The following BLOC1S2 variants were observed in gnomAD, a reference collection of about 807,000 sequenced individuals.
BLOC1S2 encodes the protein biogenesis of lysosome-related organelles complex 1 subunit 2.
In BLOC1S2, 12 loss-of-function variants were observed where a neutral mutation model predicts 19.6. The observed-to-expected ratio is 0.61, with a 90% confidence interval of 0.39 to 0.99. The LOEUF (loss-of-function observed/expected upper bound fraction) is 0.99. Among genes scored for constraint, BLOC1S2 ranks in the 50% least tolerant of loss-of-function variants. The probability of loss-of-function intolerance (pLI) is 0.00; values close to 1 mark genes in which losing one functional copy is unlikely to be tolerated. For synonymous variants in BLOC1S2, 66 were observed against 64.1 expected, an observed-to-expected ratio of 1.03 and a Z score of -0.14; for missense variants, 142 against 171.0, an observed-to-expected ratio of 0.83 and a Z score of 0.95.
At chr10:100,282,260 A>C (rs1589651706) in intron 2 of BLOC1S2, among the ~76,000 whole-genome samples, 1 of 152,320 alleles carries the variant, frequency 6.6e-6, no homozygotes, top group East Asian at 1.9e-4. Context: ...AAAGCAAAGG[A>C]GCTTCACTGC....
intron 4 of BLOC1S2, among the ~76,000 whole-genome samples, chr10:100,277,463 G>A (rs1368196700): frequency 2.9e-5 from 4 of 137,552 alleles, no homozygotes; most frequent in East Asian, 2.3e-4. Context: ...AGGTGGGGGG[G>A]TCAGCCCCCC....
chr10:100,276,105 C>A (rs895289557), intron 4 of BLOC1S2, among the ~76,000 whole-genome samples: 2 of 152,158 alleles, frequency 1.3e-5, no homozygotes, highest in African/African-American at 4.8e-5. Flanking sequence ...CCCCTGCCTT[C>A]TACGCGGTAA....
intron 4 of BLOC1S2, among the ~76,000 whole-genome samples, chr10:100,279,841 A>C (rs1388613593): frequency 6.6e-6 from 1 of 152,206 alleles, no homozygotes; most frequent in African/African-American, 2.4e-5. Context: ...AGATCGCACC[A>C]TTGCACTCCA....
intron 4 of BLOC1S2, among the ~76,000 whole-genome samples, chr10:100,277,706 G>T (rs1457949982): frequency 1.4e-5 from 2 of 139,706 alleles, no homozygotes; most frequent in African/African-American, 5.3e-5. Context: ...GGAGGGAGGT[G>T]GGGGGCTCAG....
At position 100,275,308 on chromosome 10, in the gene BLOC1S2, C is replaced by G. The variant is rs1847823265; in HGVS notation, c.*154G>C. 1 of 701,334 alleles carries G rather than the reference C, an allele frequency of 1.4e-6. No homozygotes were observed. The highest frequency in any genetic ancestry group is 1.8e-5 in the African/African-American group (1 of 56,510). 43.4% of individuals were successfully genotyped at this position (701,334 alleles called of 1,614,324 possible). A position where few individuals can be genotyped will look rare whatever the true frequency, so the allele number is the denominator to read the frequency against. On this transcript the variant is annotated 3_prime_UTR_variant, in exon 5 of 5. Coordinates refer to ENST00000370372, the MANE Select transcript of BLOC1S2 (RefSeq NM_173809.5). Reference sequence around the variant, plus strand: ...AAGAAGGTTCAGGAATAGCCACAGTCCTCCAGTTTACTCGAACGTTGAGAT... The same window carrying G: ...AAGAAGGTTCAGGAATAGCCACAGTGCTCCAGTTTACTCGAACGTTGAGAT...
At chr10:100,278,367 G>A (rs1421328103) in intron 4 of BLOC1S2, among the ~76,000 whole-genome samples, 45 of 152,334 alleles carry the variant, frequency 3.0e-4, no homozygotes, top group African/African-American at 9.6e-4. Context: ...CCATGATGAC[G>A]ATGGCGGTTT....
At chr10:100,281,154 A>C in intron 2 of BLOC1S2, 101 bp from the exon 3 acceptor site, 1 of 1,438,954 alleles carries the variant, frequency 6.9e-7, no homozygotes, top group East Asian at 2.3e-5. Context: ...GGACCAAGGA[A>C]GTGTCAAAGG....
chr10:100,281,711 T>TACACAC (rs71013439), intron 2 of BLOC1S2, among the ~76,000 whole-genome samples: 5,937 of 132,464 alleles, frequency 0.045, 239 homozygotes, highest in African/African-American at 0.096. Flanking sequence ...TATATACACA[T>TACACAC]ACACACACAC....
At chr10:100,277,837 G>T (rs1847962242) in intron 4 of BLOC1S2, among the ~76,000 whole-genome samples, 1 of 132,696 alleles carries the variant, frequency 7.5e-6, no homozygotes. Flanking sequence ...GGAGGTGGGG[G>T]AGTCAGCCCC....
intron 4 of BLOC1S2, among the ~76,000 whole-genome samples, chr10:100,276,381 CTCTCCCGTCTCCCTCTCCCTCTCCCG>C: frequency 1.7e-5 from 1 of 57,932 alleles, no homozygotes; most frequent in Admixed American, 1.6e-4. Context: ...TCCCGTCTCC[CTCTCCCGTCTCCCTCTCCCTCTCCCG>C]TCTCCCTCTC....
At chr10:100,280,339 T>C in intron 3 of BLOC1S2, 111 bp from the exon 4 acceptor site, 2 of 915,112 alleles carry the variant, frequency 2.2e-6, no homozygotes, top group Non-Finnish European at 3.2e-6. Flanking sequence ...CTAAGACAGA[T>C]TAGGTGGCGT....
chr10:100,278,270 C>T (rs1168673166), intron 4 of BLOC1S2, among the ~76,000 whole-genome samples: 13 of 151,516 alleles, frequency 8.6e-5, no homozygotes, highest in African/African-American at 2.9e-4. Context: ...CGCCTCTGCC[C>T]GGCCGCCCCT....
intron 4 of BLOC1S2, 143 bp from the exon 5 acceptor site, chr10:100,275,636 A>G: frequency 2.8e-6 from 2 of 716,150 alleles, no homozygotes; most frequent in Non-Finnish European, 4.5e-6. Flanking sequence ...CTGTCCAAAT[A>G]TACGGATCAC....
chr10:100,286,463 C>CA lies in BLOC1S2; in HGVS notation c.55+141dup, dbSNP rs141949554. 2,540 of 1,486,890 alleles carry CA rather than the reference C, an allele frequency of 1.7e-3. 36 individuals carry two copies. The African/African-American group carries it at 0.028, about 16-fold the overall frequency. The allele number at this position is 1,486,890 out of a possible 1,614,324, so 92.1% of individuals were successfully genotyped here. On this transcript the variant is annotated intron_variant, in intron 1 of 4. Transcript: ENST00000370372. ...CACCATCCCAGTCACCCTGACAGGACAAACACTCGCGCGCAGCGACAAGTG... is the reference window on the plus strand; with the variant it reads ...CACCATCCCAGTCACCCTGACAGGACAAAACACTCGCGCGCAGCGACAAGTG...
At chr10:100,280,689 C>T (rs1200285689) in intron 3 of BLOC1S2, among the ~76,000 whole-genome samples, 1 of 152,028 alleles carries the variant, frequency 6.6e-6, no homozygotes, top group Non-Finnish European at 1.5e-5. Context: ...ATCTGGCCAC[C>T]CTTCCTTTGC....
chr10:100,279,478 T>C (rs1434234519), intron 4 of BLOC1S2, among the ~76,000 whole-genome samples: 1 of 152,144 alleles, frequency 6.6e-6, no homozygotes, highest in Non-Finnish European at 1.5e-5. Flanking sequence ...CTCACACCTA[T>C]AATCCCAGCA....
intron 4 of BLOC1S2, among the ~76,000 whole-genome samples, chr10:100,279,745 C>T (rs570635660): frequency 1.3e-5 from 2 of 152,192 alleles, no homozygotes; most frequent in South Asian, 4.2e-4. Context: ...GGCGTGGTGG[C>T]GCGCCTGTAA....
Position 100,278,615 on chromosome 10 carries a change from A to G in BLOC1S2, c.397+1509T>C, listed in dbSNP as rs535244605. 2.0e-5 allele frequency among the ~76,000 whole-genome samples: 3 copies of G among 152,324 alleles called. No individual in the cohort carries two copies. The South Asian group carries it at 6.2e-4, about 32-fold the overall frequency. ...AGGGCGGTGCAAGATGTGCTTTGTTAAACAGATGCTTGAAGGCAGCATGCT... is the reference window on the plus strand; with the variant it reads ...AGGGCGGTGCAAGATGTGCTTTGTTGAACAGATGCTTGAAGGCAGCATGCT... On this transcript the variant is annotated intron_variant, in intron 4 of 4. Coordinates refer to ENST00000370372, the MANE Select transcript of BLOC1S2 (RefSeq NM_173809.5).
Position 100,280,101 on chromosome 10 carries a change from A to G in BLOC1S2, c.397+23T>C, listed in dbSNP as rs750610650. The G allele has an allele frequency of 5.7e-6, 9 of 1,584,428 alleles. No individual in the cohort carries two copies. The Admixed American group carries it at 1.5e-4, about 27-fold the overall frequency. On this transcript the variant is annotated intron_variant, in intron 4 of 4. Transcript: ENST00000370372. ...GGCAAGAAGCAGTCTTTATTACATC[A>G]AAACAGAAGTAAAAACGGTTACCCA...
Sources: allele counts gnomAD v4.1 joint callset (sites outside exome capture counted in the v4.1 genomes callset), GRCh38; gene constraint gnomAD v4.1.1; transcripts MANE v1.5; gene names NCBI Gene and HGNC (gene_info 2026-07-23, HGNC 2026-07-21).